Variants in ADAMTS10 observed in about 807,000 individuals in gnomAD.
ADAMTS10 encodes A disintegrin and metalloproteinase with thrombospondin motifs 10.
Under a neutral mutation model 135.9 loss-of-function variants are expected in ADAMTS10, and 48 were observed. The observed-to-expected ratio is 0.35, with a 90% CI of 0.28 to 0.45. ADAMTS10 has a LOEUF of 0.45. Among genes scored for constraint, ADAMTS10 ranks in the 20% least tolerant of loss-of-function variants. ADAMTS10 has a pLI of 1.00. For synonymous variants in ADAMTS10, 621 were observed against 647.5 expected, an observed-to-expected ratio of 0.96 and a Z score of 0.62; for missense variants, 1,131 against 1,565.2, an observed-to-expected ratio of 0.72 and a Z score of 4.68.
chr19:8,595,897 G>A lies in ADAMTS10; in HGVS notation c.1344C>T (p.Gly448=), dbSNP rs782537622. The stretch of plus-strand genomic sequence containing the variant: ...GCCGGTTGTTCAGGCAGAGCCCCAG[G>A]CCCGAGCTGCCTCGAGAGAAAAGCA... The part of the protein sequence containing the change: ...RDYITSFLDS[G]LGLCLNNRPP... Residue 448 remains glycine, a synonymous_variant, in exon 12 of 26, where the codon GGC becomes GGT. Transcript: ENST00000597188. 2 of 1,614,194 alleles carry A rather than the reference G, an allele frequency of 1.2e-6. No individual in the cohort carries two copies. Among genetic ancestry groups the A allele is most frequent in the Non-Finnish European group, 1.7e-6 (2 of 1,180,030 alleles).
chr19:8,596,400 ACCGGGG>A lies in ADAMTS10; in HGVS notation c.1091_1096del (p.Ala364_Pro365del). On this transcript the variant is annotated inframe_deletion, in exon 10 of 26. Transcript: ENST00000597188. This position sits in a 1 kb window ranked among gnomAD's most constrained non-coding sequence, Gnocchi z 7.2. ...TCTCTCGCGCTCACACATTCCGCCC[ACCGGGG>A]CCAGGCCTGGGAAGACGGACATGTG... 2 of 1,613,482 alleles carry A rather than the reference ACCGGGG, an allele frequency of 1.2e-6. No individual in the cohort carries two copies. The highest frequency in any genetic ancestry group is 1.7e-6 in the Non-Finnish European group (2 of 1,179,872).
intron 12 of ADAMTS10, among the ~76,000 whole-genome samples, chr19:8,593,942 C>G (rs2042574089): frequency 1.3e-5 from 2 of 152,176 alleles, no homozygotes; most frequent in African/African-American, 4.8e-5. Context: ...CTGAGAGATA[C>G]CTGTACATAT....
At chr19:8,609,566 G>T (rs116388336) in intron 1 of ADAMTS10, among the ~76,000 whole-genome samples, 1 of 152,104 alleles carries the variant, frequency 6.6e-6, no homozygotes, top group Non-Finnish European at 1.5e-5. Context: ...ACATCTGGCC[G>T]GGCCGGCAGG....
rs1555736684 is a variant in ADAMTS10, at chr19:8,585,278, G to A, written c.2896C>T (p.His966Tyr). 1 of 1,514,922 alleles carries A rather than the reference G, an allele frequency of 6.6e-7. No individual in the cohort carries two copies. Among genetic ancestry groups the A allele is most frequent in the Non-Finnish European group, 8.8e-7 (1 of 1,130,904 alleles). 93.8% of individuals were successfully genotyped at this position (1,514,922 alleles called of 1,614,324 possible). A position where few individuals can be genotyped will look rare whatever the true frequency, so the allele number is the denominator to read the frequency against. The change falls in exon 24 of 26, where the codon CAC (histidine) becomes TAC (tyrosine). Residue 966 changes from histidine to tyrosine, a missense_variant. Physicochemically the swap from His to Tyr is moderately conservative, Grantham distance 83. Around this residue, in one of 3 missense-constraint regions of ADAMTS10, gnomAD observed 745 missense variants for 1,056.3 expected, o/e 0.71. Coordinates refer to ENST00000597188, the MANE Select transcript of ADAMTS10 (RefSeq NM_030957.4). ...GCGCTCTTGCAAAGGACCACGCGGT[G>A]GCGGAGGCCCGGCCCGCAGCTGGGG... ...CTPSCGPGLR[H>Y]RVVLCKSADH...
chr19:8,593,025 C>A, intron 12 of ADAMTS10, 155 bp from the exon 13 acceptor site: 1 of 705,934 alleles, frequency 1.4e-6, no homozygotes, highest in Non-Finnish European at 2.5e-6. Flanking sequence ...CTTCGTGCAT[C>A]CCCTTGCGGG....
rs567618380 is a variant in ADAMTS10 at position 8,589,775 on chromosome 19, C to T, written c.1900+114G>A. On this transcript the variant is annotated intron_variant, in intron 16 of 25. Transcript: ENST00000597188. ...CCGTATCCCAGGTACTCTGTCTCCC[C>T]GGGTGGGGACAGGGCTCAGGGCAGA... 11 of 1,414,756 alleles carry T rather than the reference C, an allele frequency of 7.8e-6. No individual in the cohort carries two copies. The East Asian group carries it at 9.5e-5, about 12-fold the overall frequency. The allele number at this position is 1,414,756 out of a possible 1,614,324, so 87.6% of individuals were successfully genotyped here.
At position 8,586,713 on chromosome 19, in the gene ADAMTS10, C is replaced by T; in HGVS notation, c.2248G>A (p.Gly750Arg). Residue 750 changes from glycine (G) to arginine (R), a missense_variant, in exon 20 of 26, where the codon GGA becomes AGA. Physicochemically the swap from Gly to Arg is moderately radical, Grantham distance 125. Coordinates refer to ENST00000597188, the MANE Select transcript of ADAMTS10 (RefSeq NM_030957.4). Reference protein sequence around the residue: ...NLSLSHLALKGDQESLLLEGL... With the variant: ...NLSLSHLALKRDQESLLLEGL... ...TCCAGCAGCAGGGACTCCTGGTCTC[C>T]CTTCAGGGCTGGGGGACGATGCAGG... 6.2e-7 allele frequency: 1 copy of T among 1,613,306 alleles called. No individual in the cohort carries two copies. The highest frequency in any genetic ancestry group is 8.5e-7 in the Non-Finnish European group (1 of 1,179,338).
chr19:8,583,312 G>A (rs968335448), intron 25 of ADAMTS10, among the ~76,000 whole-genome samples: 62 of 151,576 alleles, frequency 4.1e-4, no homozygotes, highest in Admixed American at 7.9e-4. Flanking sequence ...AGGCCAAGGC[G>A]GGCAGATCAC....
chr19:8,600,876 G>A (rs1304548676), intron 6 of ADAMTS10, 52 bp downstream of exon 6: 28 of 1,606,416 alleles, frequency 1.7e-5, no homozygotes, highest in Non-Finnish European at 1.7e-6. Flanking sequence ...TAACACTGCA[G>A]GCTGGCTCCA....
At position 8,605,898 on chromosome 19, in the gene ADAMTS10, C is replaced by G. The variant is rs2042717181; in HGVS notation, c.-99-89G>C. On this transcript the variant is annotated intron_variant, in intron 2 of 25. Coordinates refer to ENST00000597188, the MANE Select transcript of ADAMTS10 (RefSeq NM_030957.4). The surrounding 1 kb of genome is among the most constrained non-coding windows in gnomAD (Gnocchi z 7.7). ...GCCAATCATGGCCAAAGCTTTTCACCTGACTCTGAAGATTCTGAATGCATT... is the reference window on the plus strand; with the variant it reads ...GCCAATCATGGCCAAAGCTTTTCACGTGACTCTGAAGATTCTGAATGCATT... 2.4e-6 allele frequency: 3 copies of G among 1,262,982 alleles called. No individual in the cohort carries two copies. Among genetic ancestry groups the G allele is most frequent in the Non-Finnish European group, 3.2e-6 (3 of 942,416 alleles). The allele number at this position is 1,262,982 out of a possible 1,614,324, so 78.2% of individuals were successfully genotyped here.
At position 8,580,826 on chromosome 19, in the gene ADAMTS10, T is replaced by A; in HGVS notation, c.*67A>T. The A allele has an allele frequency of 7.3e-7, 1 of 1,364,552 alleles. No individual in the cohort carries two copies. Among genetic ancestry groups the A allele is most frequent in the Non-Finnish European group, 1.0e-6 (1 of 987,164 alleles). The allele number at this position is 1,364,552 out of a possible 1,614,324, so 84.5% of individuals were successfully genotyped here. A position where few individuals can be genotyped will look rare whatever the true frequency, so the allele number is the denominator to read the frequency against. On this transcript the variant is annotated 3_prime_UTR_variant, in exon 26 of 26. Transcript: ENST00000597188. ...GTTCCCGCCCCCCCGGGGCCCCCTC[T>A]GGCCGGCCCGCTGCAGGGCTGGCGG...
intron 12 of ADAMTS10, chr19:8,595,483 G>C (rs1600109283): frequency 2.1e-6 from 1 of 477,282 alleles, no homozygotes; most frequent in Non-Finnish European, 3.9e-6. Context: ...GGGGTGTGAT[G>C]TGCCAGACAG....
chr19:8,605,422 G>A lies in ADAMTS10; in HGVS notation c.89-64C>T, dbSNP rs369525679. On this transcript the variant is annotated intron_variant, in intron 3 of 25. Coordinates refer to ENST00000597188, the MANE Select transcript of ADAMTS10 (RefSeq NM_030957.4). This position sits in a 1 kb window ranked among gnomAD's most constrained non-coding sequence, Gnocchi z 7.7. ...CTTATTGGACCCCTGTGTCCTGGCT[G>A]TTAGGCTGCTGGAGCAAGTGATGCT... 3 of 1,517,592 alleles carry A rather than the reference G, an allele frequency of 2.0e-6. No homozygotes were observed. Among genetic ancestry groups the A allele is most frequent in the Non-Finnish European group, 2.7e-6 (3 of 1,117,966 alleles). 94.0% of individuals were successfully genotyped at this position (1,517,592 alleles called of 1,614,324 possible). A position where few individuals can be genotyped will look rare whatever the true frequency, so the allele number is the denominator to read the frequency against.
intron 23 of ADAMTS10, 35 bp downstream of exon 23, chr19:8,585,421 C>T: frequency 6.5e-7 from 1 of 1,537,386 alleles, no homozygotes; most frequent in Non-Finnish European, 8.7e-7. Flanking sequence ...CCCACCTGGG[C>T]ATCCCAGTGG....
chr19:8,581,147 T>A (rs1431237669), intron 25 of ADAMTS10, 145 bp from the exon 26 acceptor site: 4 of 459,448 alleles, frequency 8.7e-6, no homozygotes, highest in Non-Finnish European at 1.5e-5. Context: ...TTTTTTTTTT[T>A]TTTTTTTTTT....
chr19:8,596,394 C>T lies in ADAMTS10; in HGVS notation c.1103G>A (p.Gly368Glu). Residue 368 changes from glycine (G) to glutamate (E), a missense_variant, in exon 10 of 26, where the codon GGA becomes GAA. Gly to Glu is a moderately conservative substitution (Grantham distance 98, BLOSUM62 -2). This residue lies in a region of ADAMTS10 where 745 missense variants were observed against 1,056.3 expected (regional missense o/e 0.71). Coordinates refer to ENST00000597188, the MANE Select transcript of ADAMTS10 (RefSeq NM_030957.4). The surrounding 1 kb of genome is among the most constrained non-coding windows in gnomAD (Gnocchi z 7.2). ...CGTLGLAPVG[G>E]MCERERSCSV... is the part of the protein sequence containing the mutation. ...GCAGCTTCTCTCGCGCTCACACATT[C>T]CGCCCACCGGGGCCAGGCCTGGGAA... is the stretch of plus-strand genomic sequence containing the variant. 1 of 1,613,418 alleles carries T rather than the reference C, an allele frequency of 6.2e-7. No homozygotes were observed. The highest frequency in any genetic ancestry group is 2.2e-5 in the East Asian group (1 of 44,872).
Position 8,605,358 on chromosome 19 carries a change from T to C in ADAMTS10, c.89A>G (p.Asp30Gly), listed in dbSNP as rs1555742371. The C allele has an allele frequency of 2.5e-6, 4 of 1,595,782 alleles. No homozygotes were observed. Among genetic ancestry groups the C allele is most frequent in the Middle Eastern group, 1.7e-4 (1 of 6,060 alleles). ...FEVTHAFRSQ[D>G]EFLSSLESYE... ...GCTCTCCAGACTGGACAGGAACTCA[T>C]CTGTGGGTGAGGGTCAGAGGCCTGG... is the stretch of plus-strand genomic sequence containing the variant. The change falls in exon 4 of 26, where the codon GAT becomes GGT. Residue 30 changes from aspartate (D) to glycine (G), a missense_variant and splice_region_variant. Physicochemically the swap from Asp to Gly is moderately conservative, Grantham distance 94. This residue lies in a region of ADAMTS10 where 306 missense variants were observed against 344.4 expected (regional missense o/e 0.89). Coordinates refer to ENST00000597188, the MANE Select transcript of ADAMTS10 (RefSeq NM_030957.4). The surrounding 1 kb of genome is among the most constrained non-coding windows in gnomAD (Gnocchi z 7.7).
intron 18 of ADAMTS10, among the ~76,000 whole-genome samples, chr19:8,587,333 CTTTT>C (rs559435857): frequency 2.6e-4 from 20 of 77,468 alleles, no homozygotes; most frequent in East Asian, 1.5e-3. Flanking sequence ...ACTAAAAAAC[CTTTT>C]TTTTTTTTTT....
At chr19:8,587,143 TTTTC>T (rs34107175) in intron 18 of ADAMTS10, among the ~76,000 whole-genome samples, 49 of 151,656 alleles carry the variant, frequency 3.2e-4, no homozygotes, top group African/African-American at 7.7e-4. Context: ...GGGTTAGGAT[TTTTC>T]TTTCTTTCTT....
Sources: allele counts gnomAD v4.1 joint callset (sites outside exome capture counted in the v4.1 genomes callset), GRCh38; gene constraint gnomAD v4.1.1; regional missense constraint gnomAD v4.1.1; non-coding constraint Gnocchi (gnomAD v3.1); transcripts MANE v1.5; gene names NCBI Gene and HGNC (gene_info 2026-07-23, HGNC 2026-07-21).